The following RBFOX1 variants were observed in gnomAD, a reference collection of about 807,000 sequenced individuals.
The protein encoded by RBFOX1 is RNA binding fox-1 homolog 1.
A neutral mutation model predicts 57.7 loss-of-function variants in RBFOX1; 8 were observed. That is an observed-to-expected ratio of 0.14 (90% confidence interval 0.08 to 0.25). The LOEUF (loss-of-function observed/expected upper bound fraction) is 0.25. Among genes scored for constraint, RBFOX1 ranks in the 10% least tolerant of loss-of-function variants. The pLI is 1.00. For missense variants in RBFOX1, 611 were observed against 548.5 expected (o/e 1.11, Z -1.14); for synonymous variants, 326 against 222.4 (o/e 1.47, Z -4.15).
In RBFOX1 at chr16:6,254,631, T is replaced by C. The variant is rs548211633; in HGVS notation, c.-126-62364T>C. Among the ~76,000 whole-genome samples, 7 of 152,300 alleles carry C rather than the reference T, an allele frequency of 4.6e-5. 1 individual carries two copies. The South Asian group carries it at 1.4e-3, about 32-fold the overall frequency. Reference sequence around the variant, plus strand: ...GCAACCTTCATAAACCTTTGACTGATGCAATCTAGTCTCTGCGTGAAATTC... The same window carrying C: ...GCAACCTTCATAAACCTTTGACTGACGCAATCTAGTCTCTGCGTGAAATTC... On this transcript the variant is annotated intron_variant, in intron 1 of 15. Coordinates refer to ENST00000550418, the MANE Select transcript of RBFOX1 (RefSeq NM_018723.4).
chr16:6,098,479 T>C (rs1326686905), intron 1 of RBFOX1, among the ~76,000 whole-genome samples: 1 of 152,226 alleles, frequency 6.6e-6, no homozygotes, highest in African/African-American at 2.4e-5. Flanking sequence ...AGGTTCAAGG[T>C]TAGCACTAAG....
chr16:5,408,775 T>C (rs1301847531), intron 1 of RBFOX1, among the ~76,000 whole-genome samples: 1 of 152,170 alleles, frequency 6.6e-6, no homozygotes, highest in Non-Finnish European at 1.5e-5. Flanking sequence ...AGCAGGCACT[T>C]CCCATGGCAA....
At position 7,348,664 on chromosome 16, in the gene RBFOX1, G is replaced by A. The variant is rs960736822; in HGVS notation, c.28-169483G>A. Among the ~76,000 whole-genome samples, 8 of 152,206 alleles carry A rather than the reference G, an allele frequency of 5.3e-5. No homozygotes were observed. The South Asian group carries it at 1.0e-3, about 20-fold the overall frequency. Reference sequence around the variant, plus strand: ...AGATTACAGAATTACACAAAAGGCCGGTTGCCGTGGCTCACGCCTAGAATC... The same window carrying A: ...AGATTACAGAATTACACAAAAGGCCAGTTGCCGTGGCTCACGCCTAGAATC... On this transcript the variant is annotated intron_variant, in intron 4 of 15. Transcript: ENST00000550418.
intron 3 of RBFOX1, among the ~76,000 whole-genome samples, chr16:5,625,578 G>C (rs1230145583): frequency 1.3e-5 from 1 of 76,408 alleles, no homozygotes; most frequent in Admixed American, 1.4e-4. Flanking sequence ...TTATTTTCGA[G>C]ATGGAGTTTT....
chr16:6,435,938 G>A (rs1376114604), intron 2 of RBFOX1, among the ~76,000 whole-genome samples: 1 of 152,072 alleles, frequency 6.6e-6, no homozygotes, highest in African/African-American at 2.4e-5. Flanking sequence ...TTCCCACCAC[G>A]AACTTCACTT....
intron 1 of RBFOX1, among the ~76,000 whole-genome samples, chr16:5,392,061 C>T (rs556934656): frequency 1.5e-4 from 23 of 152,064 alleles, no homozygotes; most frequent in Non-Finnish European, 2.6e-4. Context: ...TATTCTAACT[C>T]ATAAGTGGGA....
chr16:7,532,200 G>C (rs1165704143), intron 5 of RBFOX1, among the ~76,000 whole-genome samples: 3 of 148,888 alleles, frequency 2.0e-5, no homozygotes, highest in Non-Finnish European at 4.4e-5. Context: ...GGTGGGTTTC[G>C]TCCCCCCTCT....
chr16:7,411,066 G>A (rs138390454), intron 4 of RBFOX1, among the ~76,000 whole-genome samples: 3 of 152,134 alleles, frequency 2.0e-5, no homozygotes, highest in South Asian at 4.2e-4. Flanking sequence ...GTGCCTCAGC[G>A]TACCGAGTAG....
At chr16:6,245,777 A>C (rs770261981) in intron 1 of RBFOX1, among the ~76,000 whole-genome samples, 2 of 152,182 alleles carry the variant, frequency 1.3e-5, no homozygotes, top group Non-Finnish European at 2.9e-5. Context: ...GTGAAACAAG[A>C]ATTTAAACCA....
At chr16:7,507,852 G>A (rs1600352438) in intron 4 of RBFOX1, among the ~76,000 whole-genome samples, 1 of 149,358 alleles carries the variant, frequency 6.7e-6, no homozygotes, top group Non-Finnish European at 1.5e-5. Flanking sequence ...CATGAGCCAC[G>A]GCGCCCGGCC....
In RBFOX1 at chr16:6,053,639, A is replaced by G. The variant is rs192385794; in HGVS notation, c.-127+33647A>G. On this transcript the variant is annotated intron_variant, in intron 1 of 15. Transcript: ENST00000550418. ...AGTCATAATCACCACTATTCCAGAT[A>G]AAGTTAAATAAATAAAACATTTTTC... is the stretch of plus-strand genomic sequence containing the variant. 7.2e-5 allele frequency among the ~76,000 whole-genome samples: 11 copies of G among 152,346 alleles called. No homozygotes were observed. The East Asian group carries it at 2.1e-3, about 29-fold the overall frequency.
intron 4 of RBFOX1, among the ~76,000 whole-genome samples, chr16:7,235,865 A>T (rs2093740067): frequency 6.6e-6 from 1 of 152,204 alleles, no homozygotes; most frequent in Non-Finnish European, 1.5e-5. Context: ...TAATCAATGA[A>T]GCAGTGTGGA....
chr16:6,338,788 T>G (rs559319478), intron 2 of RBFOX1, among the ~76,000 whole-genome samples: 1 of 152,360 alleles, frequency 6.6e-6, no homozygotes, highest in South Asian at 2.1e-4. Context: ...TATGTTCACT[T>G]TCAAAAGTAC....
At chr16:7,446,982 T>G (rs1434566170) in intron 4 of RBFOX1, among the ~76,000 whole-genome samples, 1 of 151,450 alleles carries the variant, frequency 6.6e-6, no homozygotes, top group East Asian at 2.0e-4. Context: ...CTGGCTAATA[T>G]TTTGTATTTT....
chr16:5,765,212 C>CT (rs374792166), intron 3 of RBFOX1, among the ~76,000 whole-genome samples: 16 of 152,264 alleles, frequency 1.1e-4, no homozygotes, highest in African/African-American at 3.8e-4. Flanking sequence ...CCAGAATGTG[C>CT]TTAAATCTGA....
intron 4 of RBFOX1, among the ~76,000 whole-genome samples, chr16:7,252,551 C>T (rs574174233): frequency 1.3e-5 from 2 of 152,204 alleles, no homozygotes; most frequent in Non-Finnish European, 2.9e-5. Context: ...TCTGACAAAG[C>T]TTGTCCATCA....
Position 6,450,811 on chromosome 16 carries a change from A to ATATATG in RBFOX1, c.-64+133759_-64+133760insGTATAT, listed in dbSNP as rs1567303339. Among the ~76,000 whole-genome samples, 157 of 24,118 alleles carry ATATATG rather than the reference A, an allele frequency of 6.5e-3. 16 individuals are homozygous for ATATATG. Among genetic ancestry groups the ATATATG allele is most frequent in the African/African-American group, 0.036 (148 of 4,150 alleles). The allele number at this position is 24,118 out of a possible 152,430, so 15.8% of individuals were successfully genotyped here. On this transcript the variant is annotated intron_variant, in intron 2 of 15. Transcript: ENST00000550418. The stretch of plus-strand genomic sequence containing the variant: ...TATACATATATATATGTATATATAT[A>ATATATG]TATATACATATATATATATATATAT...
intron 2 of RBFOX1, among the ~76,000 whole-genome samples, chr16:5,586,548 A>T (rs2046834102): frequency 6.6e-6 from 1 of 152,196 alleles, no homozygotes; most frequent in African/African-American, 2.4e-5. Context: ...CCCAGGCTGG[A>T]GTACAGTGGC....
chr16:6,991,984 G>C (rs542435350), intron 3 of RBFOX1, among the ~76,000 whole-genome samples: 1 of 152,148 alleles, frequency 6.6e-6, no homozygotes, highest in Non-Finnish European at 1.5e-5. Flanking sequence ...AGGACTCCCT[G>C]TGTTTCAGAA....
Sources: gnomAD v4.1 joint callset for allele counts (sites outside exome capture counted in the v4.1 genomes callset) on GRCh38, gnomAD v4.1.1 for gene constraint, MANE v1.5 for transcripts, NCBI Gene and HGNC (gene_info 2026-07-23, HGNC 2026-07-21) for gene names.